The following PPP4R1 variants were observed in gnomAD, a reference collection of about 807,000 sequenced individuals.
PPP4R1 encodes the protein serine/threonine-protein phosphatase 4 regulatory subunit 1.
A neutral mutation model predicts 111.2 loss-of-function variants in PPP4R1; 42 were observed. The observed-to-expected ratio is 0.38, with a 90% CI of 0.29 to 0.49. PPP4R1 has a LOEUF of 0.49. Among genes scored for constraint, PPP4R1 ranks in the 20% least tolerant of loss-of-function variants. The pLI is 0.97. For missense variants in PPP4R1, 1,012 were observed against 1,161.6 expected, an observed-to-expected ratio of 0.87 and a Z score of 1.87; for synonymous variants, 409 against 405.5, an observed-to-expected ratio of 1.01 and a Z score of -0.10.
intron 9 of PPP4R1, among the ~76,000 whole-genome samples, chr18:9,581,610 C>T (rs1194753232): frequency 1.3e-5 from 2 of 152,008 alleles, no homozygotes; most frequent in Non-Finnish European, 2.9e-5. Context: ...TTAACATATA[C>T]ATAATGGGAA....
chr18:9,570,251 C>G lies in PPP4R1; in HGVS notation c.1479G>C (p.Val493=), dbSNP rs2145110940. The part of the protein sequence containing the change: ...EGPEEESEGP[V]PSSPNITMAT... The stretch of plus-strand genomic sequence containing the variant: ...CCATGGTGATGTTTGGAGAACTGGG[C>G]ACAGGGCCCTCAGATTCTTCCTCTG... Residue 493 remains valine (V), a synonymous_variant, in exon 11 of 20, where the codon GTG becomes GTC. Transcript: ENST00000400556. 1 of 1,607,840 alleles carries G rather than the reference C, an allele frequency of 6.2e-7. No individual in the cohort carries two copies. Among genetic ancestry groups the G allele is most frequent in the East Asian group, 2.2e-5 (1 of 44,824 alleles).
intron 5 of PPP4R1, 152 bp from the exon 6 acceptor site, chr18:9,588,387 T>C: frequency 1.1e-6 from 1 of 937,666 alleles, no homozygotes; most frequent in Non-Finnish European, 1.5e-6. Flanking sequence ...TCTTCAACTA[T>C]TACAAAGACT....
At chr18:9,562,961 G>A (rs2066702443) in intron 12 of PPP4R1, 3 of 995,238 alleles carry the variant, frequency 3.0e-6, no homozygotes, top group Non-Finnish European at 3.6e-6. Context: ...CTGGCCCTCC[G>A]CAACATGGCC....
At chr18:9,592,010 C>G (rs898194697) in intron 4 of PPP4R1, among the ~76,000 whole-genome samples, 1 of 152,136 alleles carries the variant, frequency 6.6e-6, no homozygotes, top group African/African-American at 2.4e-5. Context: ...GGGGTGGTTG[C>G]AGTGAGTGGA....
intron 12 of PPP4R1, chr18:9,563,012 T>C: frequency 9.8e-7 from 1 of 1,021,436 alleles, no homozygotes; most frequent in Non-Finnish European, 1.2e-6. Flanking sequence ...TGTTGCTTGC[T>C]GCAGTGAAAT....
chr18:9,588,521 A>G (rs946721851), intron 5 of PPP4R1, among the ~76,000 whole-genome samples, 190 bp downstream of exon 5: 10 of 152,238 alleles, frequency 6.6e-5, no homozygotes, highest in African/African-American at 2.4e-4. Context: ...GAGTGCAGTT[A>G]CTAGGCATTG....
At chr18:9,552,333 TACC>T (rs2066502511) in intron 16 of PPP4R1, among the ~76,000 whole-genome samples, 1 of 152,202 alleles carries the variant, frequency 6.6e-6, no homozygotes. Flanking sequence ...ATGCAAATCA[TACC>T]ACAATGAAGT....
rs777045950 is a variant in PPP4R1, at chr18:9,588,161, G to C, written c.513C>G (p.Thr171=). Residue 171 remains threonine, a synonymous_variant, in exon 6 of 20, where the codon ACC becomes ACG. Transcript: ENST00000400556. ...QELIERFDVE[T]KVCPVLIELT... ...GCTCTATGAGGACAGGGCACACTTTGGTCTCCACATCAAATCGTTCAATGA... is the reference window on the plus strand; with the variant it reads ...GCTCTATGAGGACAGGGCACACTTTCGTCTCCACATCAAATCGTTCAATGA... 1 of 1,614,122 alleles carries C rather than the reference G, an allele frequency of 6.2e-7. No homozygotes were observed. The highest frequency in any genetic ancestry group is 2.2e-5 in the East Asian group (1 of 44,886).
intron 2 of PPP4R1, among the ~76,000 whole-genome samples, chr18:9,607,264 G>A (rs1363271757): frequency 6.6e-6 from 1 of 152,010 alleles, no homozygotes; most frequent in African/African-American, 2.4e-5. Context: ...GGTAAGCTGA[G>A]GTGGGAGGAT....
intron 5 of PPP4R1, 23 bp downstream of exon 5, chr18:9,588,688 G>A: frequency 2.5e-6 from 4 of 1,573,270 alleles, no homozygotes; most frequent in Non-Finnish European, 3.5e-6. Flanking sequence ...TTTCTTTTAA[G>A]AACATATAAA....
chr18:9,563,288 A>G, intron 12 of PPP4R1, 90 bp downstream of exon 12: 1 of 1,406,632 alleles, frequency 7.1e-7, no homozygotes, highest in Non-Finnish European at 9.5e-7. Context: ...GAACATACAA[A>G]CTAAAAGTGA....
At chr18:9,547,997 A>T in intron 19 of PPP4R1, 45 bp from the exon 20 acceptor site, 1 of 1,591,552 alleles carries the variant, frequency 6.3e-7, no homozygotes, top group South Asian at 1.1e-5. Flanking sequence ...AGTCCAACGG[A>T]ACACTTCAGA....
chr18:9,564,578 C>A (rs1012148616), intron 11 of PPP4R1, among the ~76,000 whole-genome samples: 6 of 152,094 alleles, frequency 3.9e-5, no homozygotes, highest in Non-Finnish European at 8.8e-5. Flanking sequence ...TTTCACCAAC[C>A]CTTTTAATCA....
At chr18:9,565,404 A>C (rs2066749462) in intron 11 of PPP4R1, among the ~76,000 whole-genome samples, 1 of 152,242 alleles carries the variant, frequency 6.6e-6, no homozygotes, top group South Asian at 2.1e-4. Flanking sequence ...GAAAGGAAGA[A>C]TAACATGTCT....
chr18:9,549,130 T>G (rs1458486876), intron 19 of PPP4R1, 67 bp downstream of exon 19: 1 of 1,546,300 alleles, frequency 6.5e-7, no homozygotes, highest in Non-Finnish European at 8.9e-7. Context: ...TGATATCTGC[T>G]GATCCAGTGC....
chr18:9,555,859 A>T (rs544771847), intron 15 of PPP4R1, among the ~76,000 whole-genome samples: 1 of 152,102 alleles, frequency 6.6e-6, no homozygotes, highest in Non-Finnish European at 1.5e-5. Context: ...ATTTTAGGCC[A>T]GGCATGGTGG....
chr18:9,611,661 G>A (rs757639498), intron 2 of PPP4R1, among the ~76,000 whole-genome samples: 2 of 152,218 alleles, frequency 1.3e-5, no homozygotes, highest in Admixed American at 6.5e-5. Flanking sequence ...AATAACTATT[G>A]TGCCTTCAAT....
Position 9,555,990 on chromosome 18 carries a change from A to AAC in PPP4R1, c.2190+1230_2190+1231insGT, listed in dbSNP as rs1401715197. Among the ~76,000 whole-genome samples the AAC allele has an allele frequency of 3.8e-3, 276 of 73,066 alleles. 2 individuals carry two copies. The highest frequency in any genetic ancestry group is 0.012 in the African/African-American group (261 of 22,082). The allele number at this position is 73,066 out of a possible 152,430, so 47.9% of individuals were successfully genotyped here. On this transcript the variant is annotated intron_variant, in intron 15 of 19. Transcript: ENST00000400556. ...TCTCTACTAAAACAAACAAACAAAC[A>AAC]AACAAACAAAAAAACACAAAATCGG...
At chr18:9,605,731 A>G (rs1210896483) in intron 2 of PPP4R1, among the ~76,000 whole-genome samples, 1 of 152,200 alleles carries the variant, frequency 6.6e-6, no homozygotes, top group East Asian at 1.9e-4. Context: ...TCCTTACAGC[A>G]AAAGACAGTT....
Sources: allele counts gnomAD v4.1 joint callset (sites outside exome capture counted in the v4.1 genomes callset), GRCh38; gene constraint gnomAD v4.1.1; transcripts MANE v1.5; gene names NCBI Gene and HGNC (gene_info 2026-07-23, HGNC 2026-07-21).